The following MYRIP variants were observed in gnomAD, a reference collection of about 807,000 sequenced individuals.
MYRIP encodes rab effector MyRIP.
In MYRIP, 49 loss-of-function variants were observed where a neutral mutation model predicts 98.0. The observed-to-expected ratio is 0.50, with a 90% CI of 0.40 to 0.63. The LOEUF is 0.63. Among genes scored for constraint, MYRIP ranks in the 30% least tolerant of loss-of-function variants. The pLI, the probability that MYRIP is intolerant of heterozygous loss-of-function variation, is 0.00. For missense variants in MYRIP, 1,004 were observed against 1,058.2 expected, an observed-to-expected ratio of 0.95 and a Z score of 0.71; for synonymous variants, 404 against 409.5, an observed-to-expected ratio of 0.99 and a Z score of 0.16.
chr3:40,042,970 A>C (rs1403799441), intron 2 of MYRIP, among the ~76,000 whole-genome samples: 1 of 152,176 alleles, frequency 6.6e-6, no homozygotes, highest in Admixed American at 6.5e-5. Context: ...CTCCCTCATG[A>C]CCTCATGGCT....
intron 2 of MYRIP, among the ~76,000 whole-genome samples, chr3:39,940,118 ATGTG>A (rs974797325): frequency 6.6e-6 from 1 of 152,136 alleles, no homozygotes; most frequent in African/African-American, 2.4e-5. Context: ...ATTTTTATAT[ATGTG>A]TGTGTTTTAA....
chr3:40,154,706 C>G (rs371880930), intron 4 of MYRIP, among the ~76,000 whole-genome samples: 7 of 152,278 alleles, frequency 4.6e-5, no homozygotes, highest in East Asian at 3.9e-4. Flanking sequence ...TCACCCTCCC[C>G]CTGCCTTGAC....
intron 2 of MYRIP, among the ~76,000 whole-genome samples, chr3:39,967,059 T>A (rs994897392): frequency 6.6e-6 from 1 of 152,242 alleles, no homozygotes; most frequent in Non-Finnish European, 1.5e-5. Flanking sequence ...ACCATAGTTA[T>A]CTGGCAGGGT....
intron 4 of MYRIP, among the ~76,000 whole-genome samples, chr3:40,160,449 T>C (rs537339441): frequency 0.012 from 1,894 of 152,310 alleles, 34 homozygotes; most frequent in African/African-American, 0.041. Flanking sequence ...GTCTTTTTGT[T>C]TGTCTGTGCC....
At chr3:39,963,825 CTA>C (rs1945379491) in intron 2 of MYRIP, among the ~76,000 whole-genome samples, 1 of 152,030 alleles carries the variant, frequency 6.6e-6, no homozygotes, top group Non-Finnish European at 1.5e-5. Context: ...GCTTATTTTA[CTA>C]GTATAGTGAC....
At chr3:40,230,475 G>A (rs1952621436) in intron 11 of MYRIP, among the ~76,000 whole-genome samples, 1 of 152,186 alleles carries the variant, frequency 6.6e-6, no homozygotes. Context: ...ACTGGACAGG[G>A]AACAGGACAT....
intron 10 of MYRIP, among the ~76,000 whole-genome samples, chr3:40,203,057 G>T (rs1386565768): frequency 6.6e-6 from 1 of 152,088 alleles, no homozygotes; most frequent in Middle Eastern, 3.4e-3. Flanking sequence ...AGCCTCCAGA[G>T]TAGCTGGGAT....
At chr3:40,029,688 T>A (rs555284544) in intron 2 of MYRIP, among the ~76,000 whole-genome samples, 45 of 152,242 alleles carry the variant, frequency 3.0e-4, no homozygotes, top group African/African-American at 1.1e-3. Context: ...TTGCAAATTA[T>A]GTATCTGATA....
rs546712133 is a variant in MYRIP at position 39,848,814 on chromosome 3, C to T, written c.-31+38898C>T. 2.6e-5 allele frequency among the ~76,000 whole-genome samples: 4 copies of T among 152,156 alleles called. No individual in the cohort carries two copies. In the East Asian group the frequency reaches 7.7e-4, roughly 29 times the overall value. ...AATTTTCAATTAAGATGACCTCTTC[C>T]CTAAACGTGTTGCTAAATTTTTATG... On this transcript the variant is annotated intron_variant, in intron 1 of 16. Transcript: ENST00000302541.
chr3:40,042,613 A>G (rs2125830927), intron 2 of MYRIP, among the ~76,000 whole-genome samples: 1 of 152,282 alleles, frequency 6.6e-6, no homozygotes, highest in Admixed American at 6.5e-5. Flanking sequence ...TAGTCATAGT[A>G]AAAATAAAAA....
chr3:40,105,870 A>C (rs1949041633), intron 3 of MYRIP, among the ~76,000 whole-genome samples: 1 of 152,210 alleles, frequency 6.6e-6, no homozygotes, highest in African/African-American at 2.4e-5. Flanking sequence ...AACTGCCCCC[A>C]TGATCCAATC....
At chr3:40,020,825 T>C (rs1162576972) in intron 2 of MYRIP, among the ~76,000 whole-genome samples, 1 of 152,176 alleles carries the variant, frequency 6.6e-6, no homozygotes, top group Non-Finnish European at 1.5e-5. Flanking sequence ...CCAACACCAT[T>C]GTAGCCAACA....
intron 13 of MYRIP, among the ~76,000 whole-genome samples, chr3:40,249,772 C>T (rs865783711): frequency 2.6e-5 from 4 of 152,242 alleles, no homozygotes; most frequent in Admixed American, 1.3e-4. Context: ...AACCAGGGAC[C>T]GCTAGGCCTC....
rs372816538 is a variant in MYRIP at position 39,974,195 on chromosome 3, G to A, written c.111-69855G>A. ...GATAAAAGAGAAGAATCAAATAGAC[G>A]CAATAAAAAATGATAAAGGGGATAT... On this transcript the variant is annotated intron_variant, in intron 2 of 16. Coordinates refer to ENST00000302541, the MANE Select transcript of MYRIP (RefSeq NM_015460.4). 1.2e-3 allele frequency among the ~76,000 whole-genome samples: 185 copies of A among 151,946 alleles called. 1 individual carries two copies. Among genetic ancestry groups the A allele is most frequent in the African/African-American group, 3.7e-3 (155 of 41,452 alleles).
intron 3 of MYRIP, among the ~76,000 whole-genome samples, chr3:40,080,056 G>T: frequency 6.6e-6 from 1 of 152,142 alleles, no homozygotes. Flanking sequence ...CCTTGGAAAG[G>T]TCCTGATATT....
At chr3:40,028,404 T>C (rs1947184420) in intron 2 of MYRIP, among the ~76,000 whole-genome samples, 1 of 152,182 alleles carries the variant, frequency 6.6e-6, no homozygotes, top group African/African-American at 2.4e-5. Context: ...GTCTTGAGCA[T>C]TATTGCCCAG....
At chr3:40,003,045 T>C (rs1009425428) in intron 2 of MYRIP, among the ~76,000 whole-genome samples, 1 of 151,046 alleles carries the variant, frequency 6.6e-6, no homozygotes, top group African/African-American at 2.4e-5. Flanking sequence ...TCTATAGATA[T>C]AGAGACAGAT....
At chr3:40,245,199 G>C (rs1482214845) in intron 13 of MYRIP, among the ~76,000 whole-genome samples, 1 of 152,200 alleles carries the variant, frequency 6.6e-6, no homozygotes, top group East Asian at 1.9e-4. Context: ...GATTGACATA[G>C]TCTCTATAAC....
intron 1 of MYRIP, among the ~76,000 whole-genome samples, chr3:39,878,342 G>T (rs143522201): frequency 3.0e-4 from 46 of 152,244 alleles, no homozygotes; most frequent in Non-Finnish European, 5.9e-4. Flanking sequence ...AGCACAGTGC[G>T]CTGCACCCAC....
Sources: allele counts gnomAD v4.1 joint callset (sites outside exome capture counted in the v4.1 genomes callset), GRCh38; gene constraint gnomAD v4.1.1; transcripts MANE v1.5; gene names NCBI Gene and HGNC (gene_info 2026-07-23, HGNC 2026-07-21).